SMAP2: variants seen among roughly 807,000 people sequenced by gnomAD.
SMAP2 encodes the protein small ArfGAP2, also known as stromal membrane-associated protein 2.
SMAP2 carries 25 observed loss-of-function variants against 56.4 expected under a neutral mutation model. That is an observed-to-expected ratio of 0.44 (90% CI 0.32 to 0.62). SMAP2 has a LOEUF of 0.62. Among genes scored for constraint, SMAP2 ranks in the 20% least tolerant of loss-of-function variants. SMAP2 has a pLI of 0.04. For missense variants in SMAP2, 388 were observed against 545.6 expected (o/e 0.71, Z 2.88); for synonymous variants, 157 against 181.7 (o/e 0.86, Z 1.09).
intron 1 of SMAP2, chr1:40,344,952 T>G (rs1246176154): frequency 7.7e-6 from 1 of 129,860 alleles, no homozygotes; most frequent in Admixed American, 8.5e-5. Flanking sequence ...TCTTTTCTTT[T>G]TTTTCTTTTC....
chr1:40,374,566 G>A lies in SMAP2; in HGVS notation c.103+343G>A. On this transcript the variant is annotated intron_variant, in intron 1 of 9. Transcript: ENST00000372718. The surrounding 1 kb of genome is among the most constrained non-coding windows in gnomAD (Gnocchi z 5.9). ...CCAGCATGTCACTTGCAAAGCTGGGGATGAACTGCATTGCGTGCGTGCGTG... is the reference window on the plus strand; with the variant it reads ...CCAGCATGTCACTTGCAAAGCTGGGAATGAACTGCATTGCGTGCGTGCGTG... 1 of 1,213,536 alleles carries A rather than the reference G, an allele frequency of 8.2e-7. No individual in the cohort carries two copies. Among genetic ancestry groups the A allele is most frequent in the Non-Finnish European group, 1.2e-6 (1 of 845,942 alleles). 75.2% of individuals were successfully genotyped at this position (1,213,536 alleles called of 1,614,324 possible).
chr1:40,403,543 A>G (rs758380185), intron 1 of SMAP2: 1 of 411,860 alleles, frequency 2.4e-6, no homozygotes, highest in African/African-American at 2.2e-5. Flanking sequence ...GTGGTGTTGC[A>G]TAGAGTGTTG....
chr1:40,395,595 T>A (rs1011565014), intron 1 of SMAP2, among the ~76,000 whole-genome samples: 1 of 152,272 alleles, frequency 6.6e-6, no homozygotes, highest in East Asian at 1.9e-4. Flanking sequence ...CAGAGTAGTT[T>A]AATGAATTTT....
intron 1 of SMAP2, among the ~76,000 whole-genome samples, chr1:40,404,536 CT>C (rs1341524114): frequency 6.6e-6 from 1 of 152,188 alleles, no homozygotes; most frequent in African/African-American, 2.4e-5. Flanking sequence ...CTTTTCCCAT[CT>C]TAAGGCCAGG....
At chr1:40,353,066 C>A (rs1005607985) in intron 1 of SMAP2, among the ~76,000 whole-genome samples, 3 of 152,206 alleles carry the variant, frequency 2.0e-5, no homozygotes, top group Non-Finnish European at 4.4e-5. Flanking sequence ...ATGTCCAGCA[C>A]CCATCTCTCT....
chr1:40,411,484 G>A (rs938967607), intron 4 of SMAP2, among the ~76,000 whole-genome samples: 2 of 152,064 alleles, frequency 1.3e-5, no homozygotes, highest in Non-Finnish European at 2.9e-5. Flanking sequence ...CTGCCCTCAG[G>A]GTATTCATGA....
chr1:40,356,237 G>T (rs1644435180), intron 1 of SMAP2, among the ~76,000 whole-genome samples: 1 of 152,108 alleles, frequency 6.6e-6, no homozygotes, highest in Non-Finnish European at 1.5e-5. Context: ...TCTGTTGACA[G>T]ACACTTAGGT....
At chr1:40,379,439 T>C (rs945879686) in intron 1 of SMAP2, among the ~76,000 whole-genome samples, 5 of 152,160 alleles carry the variant, frequency 3.3e-5, no homozygotes, top group African/African-American at 7.2e-5. Flanking sequence ...GCATACACTT[T>C]CCATGCACAT....
rs1458407851 is a variant in SMAP2, at chr1:40,422,510, A to G, written c.*409A>G. ...GCTTAGAGGTCCTTCTATATGTGTT[A>G]ATAAGCTGTTTCTAAGTGTTTAAAT... On this transcript the variant is annotated 3_prime_UTR_variant, in exon 10 of 10. Coordinates refer to ENST00000372718, the MANE Select transcript of SMAP2 (RefSeq NM_022733.3). 3 of 178,810 alleles carry G rather than the reference A, an allele frequency of 1.7e-5. No individual in the cohort carries two copies. The highest frequency in any genetic ancestry group is 4.7e-5 in the African/African-American group (2 of 42,900). The allele number at this position is 178,810 out of a possible 1,614,324, so 11.1% of individuals were successfully genotyped here.
In SMAP2 at chr1:40,413,001, G is replaced by A; in HGVS notation, c.403-15G>A. 1 of 1,594,618 alleles carries A rather than the reference G, an allele frequency of 6.3e-7. No individual in the cohort carries two copies. Among genetic ancestry groups the A allele is most frequent in the Non-Finnish European group, 8.6e-7 (1 of 1,167,886 alleles). On this transcript the variant is annotated splice_polypyrimidine_tract_variant and intron_variant, in intron 4 of 9. Transcript: ENST00000372718. ...CCTTGGGCCCTGTGTTCTTTGTCTT[G>A]TTAAATCATTATAGAAAGAAAAAGA...
rs867974437 is a variant in SMAP2, at chr1:40,388,695, G to C, written c.103+14472G>C. The stretch of plus-strand genomic sequence containing the variant: ...CCAATCAGCAGGATGTGATTGGATG[G>C]GGCCAGATAAGAGAATAAAAGCAGG... On this transcript the variant is annotated intron_variant, in intron 1 of 9. Coordinates refer to ENST00000372718, the MANE Select transcript of SMAP2 (RefSeq NM_022733.3). 9.8e-5 allele frequency among the ~76,000 whole-genome samples: 15 copies of C among 152,306 alleles called. 1 individual carries two copies. The highest frequency in any genetic ancestry group is 3.6e-4 in the African/African-American group (15 of 41,558).
At chr1:40,371,171 C>CA (rs760759983), upstream of SMAP2, among the ~76,000 whole-genome samples, 109 of 139,530 alleles carry the variant, frequency 7.8e-4, 1 homozygote, top group East Asian at 0.017. Flanking sequence ...GACTCGGTCT[C>CA]AAAAAAAAAA....
intron 2 of SMAP2, among the ~76,000 whole-genome samples, chr1:40,367,701 G>A (rs1381092845): frequency 2.8e-5 from 4 of 141,782 alleles, no homozygotes; most frequent in African/African-American, 1.1e-4. Context: ...TGCATTCAAA[G>A]CAGTGTGTAG....
At chr1:40,393,101 C>A (rs1285828286) in intron 1 of SMAP2, among the ~76,000 whole-genome samples, 28 of 144,008 alleles carry the variant, frequency 1.9e-4, no homozygotes, top group African/African-American at 2.3e-4. Context: ...GAATCCATCT[C>A]AAAAAAAAAA....
intron 1 of SMAP2, chr1:40,393,197 A>G (rs1644734204): frequency 4.2e-6 from 3 of 716,186 alleles, no homozygotes; most frequent in African/African-American, 1.9e-5. Context: ...GTGGTAGCAC[A>G]TGCCTGTAGT....
intron 1 of SMAP2, among the ~76,000 whole-genome samples, chr1:40,388,638 A>G (rs1382317841): frequency 1.3e-5 from 2 of 152,168 alleles, no homozygotes; most frequent in Non-Finnish European, 2.9e-5. Context: ...CGCACCAATC[A>G]GCACCCTGTC....
intron 1 of SMAP2, chr1:40,396,824 G>C (rs1644776302): frequency 1.0e-6 from 1 of 985,052 alleles, no homozygotes; most frequent in Non-Finnish European, 1.2e-6. Context: ...AGATCCCACT[G>C]GTGTTTCTGT....
rs780241329 is a variant in SMAP2, at chr1:40,374,169, G to A, written c.49G>A (p.Ala17Thr). ...CGTGGATCGGTACCAGGCTGTCCTG[G>A]CCAACCTGCTGCTGGAGGAGGATAA... is the stretch of plus-strand genomic sequence containing the variant. ...KDVDRYQAVL[A>T]NLLLEEDNKF... is the part of the protein sequence containing the mutation. The change falls in exon 1 of 10, where the codon GCC (alanine) becomes ACC (threonine). Residue 17 changes from alanine (A) to threonine (T), a missense_variant. Ala to Thr is a moderately conservative substitution (Grantham distance 58, BLOSUM62 0). Transcript: ENST00000372718. The surrounding 1 kb of genome is among the most constrained non-coding windows in gnomAD (Gnocchi z 5.9). The A allele has an allele frequency of 3.1e-6, 5 of 1,613,592 alleles. No individual in the cohort carries two copies. Among genetic ancestry groups the A allele is most frequent in the Non-Finnish European group, 3.4e-6 (4 of 1,179,812 alleles).
intron 1 of SMAP2, among the ~76,000 whole-genome samples, chr1:40,382,521 A>G (rs1364155830): frequency 6.6e-6 from 1 of 152,194 alleles, no homozygotes; most frequent in Non-Finnish European, 1.5e-5. Flanking sequence ...TCCTTACCAC[A>G]GTTGTACTCC....
Sources: gnomAD v4.1 joint callset for allele counts (sites outside exome capture counted in the v4.1 genomes callset) on GRCh38, gnomAD v4.1.1 for gene constraint, Gnocchi (gnomAD v3.1) non-coding constraint, MANE v1.5 for transcripts, NCBI Gene and HGNC (gene_info 2026-07-23, HGNC 2026-07-21) for gene names.